KLRG2: variants seen among roughly 807,000 people sequenced by gnomAD.
KLRG2 encodes the protein killer cell lectin like receptor G2.
KLRG2 carries 39 observed loss-of-function variants against 35.4 expected under a neutral mutation model. The ratio of observed to expected loss-of-function variants is 1.10; its 90% CI spans 0.85 to 1.44. The LOEUF is 1.44. Ranked by LOEUF, KLRG2 falls within the 40% of genes most tolerant of loss-of-function variation. KLRG2 has a pLI of 0.00. For missense variants in KLRG2, 632 were observed against 570.9 expected (o/e 1.11, Z -1.09); for synonymous variants, 283 against 265.8 (o/e 1.06, Z -0.63).
intron 3 of KLRG2, among the ~76,000 whole-genome samples, chr7:139,467,512 T>G (rs7455720): frequency 0.13 from 19,060 of 151,888 alleles, 1,542 homozygotes; most frequent in African/African-American, 0.23. Context: ...TCTGCCTTGG[T>G]ATGCTGTTAA....
At position 139,479,766 on chromosome 7, in the gene KLRG2, C is replaced by G. The variant is rs1796922826; in HGVS notation, c.866G>C (p.Arg289Thr). The G allele has an allele frequency of 1.9e-6, 3 of 1,613,492 alleles. No individual in the cohort carries two copies. In the East Asian group the frequency reaches 6.7e-5, roughly 36 times the overall value. Residue 289 changes from arginine to threonine, a missense_variant, in exon 3 of 5, where the codon AGA (arginine) becomes ACA (threonine). By Grantham distance (71) the Arg-to-Thr change is moderately conservative. Transcript: ENST00000340940. Reference sequence around the variant, plus strand: ...CCAGCCTGGGGGGCACTGCTGGCATCTGGCTCCTGCAAGCACAGAGACTGC... The same window carrying G: ...CCAGCCTGGGGGGCACTGCTGGCATGTGGCTCCTGCAAGCACAGAGACTGC... ...IVVLASRAGA[R>T]CQQCPPGWVL...
chr7:139,462,161 G>C lies in KLRG2; in HGVS notation c.1006-7947C>G, dbSNP rs1796579753. Among the ~76,000 whole-genome samples the C allele has an allele frequency of 2.0e-5, 3 of 152,110 alleles. No individual in the cohort carries two copies. In the South Asian group the frequency reaches 6.2e-4, roughly 32 times the overall value. ...TTATCCGTGAACCCAAAACTCCATC[G>C]CTAGTTACGGACTCGGGAAAACAGT... On this transcript the variant is annotated intron_variant, in intron 3 of 4. Coordinates refer to ENST00000340940, the MANE Select transcript of KLRG2 (RefSeq NM_198508.4).
chr7:139,458,453 A>G (rs1429195002), intron 3 of KLRG2, among the ~76,000 whole-genome samples: 3 of 152,140 alleles, frequency 2.0e-5, no homozygotes, highest in Non-Finnish European at 4.4e-5. Flanking sequence ...ATAAGTGTAC[A>G]GTTCAAGGGC....
chr7:139,462,598 T>C (rs1796586747), intron 3 of KLRG2, among the ~76,000 whole-genome samples: 1 of 152,178 alleles, frequency 6.6e-6, no homozygotes, highest in Non-Finnish European at 1.5e-5. Flanking sequence ...AAAACCTAAA[T>C]GCCTTATTTT....
At chr7:139,472,084 A>G (rs534505431) in intron 3 of KLRG2, among the ~76,000 whole-genome samples, 1 of 152,320 alleles carries the variant, frequency 6.6e-6, no homozygotes, top group East Asian at 1.9e-4. Context: ...TTCCAGGAAC[A>G]ATCCCAGAAG....
chr7:139,467,267 T>C (rs1262453844), intron 3 of KLRG2, among the ~76,000 whole-genome samples: 1 of 152,162 alleles, frequency 6.6e-6, no homozygotes, highest in African/African-American at 2.4e-5. Flanking sequence ...TTTATTTTTC[T>C]TACTAATATA....
intron 3 of KLRG2, among the ~76,000 whole-genome samples, chr7:139,478,462 G>A (rs7791927): frequency 0.013 from 1,997 of 151,894 alleles, 51 homozygotes; most frequent in African/African-American, 0.046. Context: ...CTGAGGTGGG[G>A]ATTTTGAGAC....
At chr7:139,475,163 A>AAAAG (rs1222121710) in intron 3 of KLRG2, among the ~76,000 whole-genome samples, 2 of 152,206 alleles carry the variant, frequency 1.3e-5, no homozygotes, top group African/African-American at 4.8e-5. Context: ...AAGTCTCCAC[A>AAAAG]AAAGGCCCAA....
Position 139,483,244 on chromosome 7 carries a change from C to T in KLRG2, c.399G>A (p.Val133=). ...ELQVDVRVKP[V]GAAGGSSTPS... Reference sequence around the variant, plus strand: ...GCGTGCTGCTGCCACCGGCCGCGCCCACGGGCTTCACGCGCACATCTACCT... The same window carrying T: ...GCGTGCTGCTGCCACCGGCCGCGCCTACGGGCTTCACGCGCACATCTACCT... Residue 133 remains valine (V), a synonymous_variant, in exon 1 of 5, where the codon GTG becomes GTA. Coordinates refer to ENST00000340940, the MANE Select transcript of KLRG2 (RefSeq NM_198508.4). 6.5e-7 allele frequency: 1 copy of T among 1,549,130 alleles called. No individual in the cohort carries two copies. Among genetic ancestry groups the T allele is most frequent in the Middle Eastern group, 1.8e-4 (1 of 5,700 alleles).
intron 3 of KLRG2, among the ~76,000 whole-genome samples, chr7:139,454,849 TAATAATAATAATAATAAC>T (rs1569409619): frequency 9.2e-6 from 1 of 108,138 alleles, no homozygotes; most frequent in Non-Finnish European, 1.8e-5. Flanking sequence ...ATAATAATAA[TAATAATAATAATAATAAC>T]ACACGCAGAT....
the KLRG2 span, among the ~76,000 whole-genome samples, chr7:139,429,176 C>T: frequency 3.9e-5 from 6 of 152,030 alleles, no homozygotes; most frequent in Admixed American, 2.6e-4. Flanking sequence ...CGTGGTGGCG[C>T]GCACCTGTAA....
At chr7:139,477,799 C>T (rs1796876424) in intron 3 of KLRG2, among the ~76,000 whole-genome samples, 1 of 151,846 alleles carries the variant, frequency 6.6e-6, no homozygotes, top group African/African-American at 2.4e-5. Context: ...CGCTCTTTAG[C>T]CCAGGCCGGA....
rs80191544 is a variant in KLRG2 at position 139,466,217 on chromosome 7, C to T, written c.1006-12003G>A. Among the ~76,000 whole-genome samples, 17 of 152,248 alleles carry T rather than the reference C, an allele frequency of 1.1e-4. No individual in the cohort carries two copies. The East Asian group carries it at 1.5e-3, about 14-fold the overall frequency. On this transcript the variant is annotated intron_variant, in intron 3 of 4. Transcript: ENST00000340940. ...GCAAATTGACTTTACTCACATGCCCCGGGTCAGAAAACTAAAATACCTCTT... is the reference window on the plus strand; with the variant it reads ...GCAAATTGACTTTACTCACATGCCCTGGGTCAGAAAACTAAAATACCTCTT...
chr7:139,467,869 CT>C (rs1241056929), intron 3 of KLRG2, among the ~76,000 whole-genome samples: 2 of 148,842 alleles, frequency 1.3e-5, no homozygotes, highest in Non-Finnish European at 3.0e-5. Context: ...GAAGGAATGC[CT>C]CTTTGCAGTT....
rs777640819 is a variant in KLRG2 at position 139,483,620 on chromosome 7, G to A, written c.23C>T (p.Ala8Val). The A allele has an allele frequency of 2.7e-5, 42 of 1,570,164 alleles. No individual in the cohort carries two copies. The highest frequency in any genetic ancestry group is 3.6e-5 in the Admixed American group (2 of 55,786). ...CTCTGCCCCGGCTTGGCCTCCGGGC[G>A]CAGCCTCCCAAGACTCCTCCATCCC... MEESWEA[A>V]PGGQAGAELP... is the part of the protein sequence containing the mutation. Residue 8 changes from alanine to valine, a missense_variant, in exon 1 of 5, where the codon GCG (alanine) becomes GTG (valine). Ala to Val is a moderately conservative substitution (Grantham distance 64, BLOSUM62 0). Transcript: ENST00000340940.
chr7:139,455,078 G>A (rs1453729341), intron 3 of KLRG2, among the ~76,000 whole-genome samples: 12 of 151,056 alleles, frequency 7.9e-5, no homozygotes, highest in Non-Finnish European at 1.5e-5. Flanking sequence ...GAGTGCAGTG[G>A]CACGATCCTG....
Position 139,483,292 on chromosome 7 carries a change from G to T in KLRG2, c.351C>A (p.Ser117Arg). 6.4e-7 allele frequency: 1 copy of T among 1,557,216 alleles called. No homozygotes were observed. Among genetic ancestry groups the T allele is most frequent in the Non-Finnish European group, 8.6e-7 (1 of 1,163,180 alleles). The change falls in exon 1 of 5, where the codon AGC becomes AGA. Residue 117 changes from serine (S) to arginine (R), a missense_variant. Transcript: ENST00000340940. ...CCTGCAGCTCCATGGGCGCCCAGGC[G>T]CTGGGCGCAGGCTCAGCCCCGGGCG... ...GEAPGAEPAP[S>R]AWAPMELQVD...
At chr7:139,435,733 A>G in the KLRG2 span, among the ~76,000 whole-genome samples, 1 of 152,096 alleles carries the variant, frequency 6.6e-6, no homozygotes, top group South Asian at 2.1e-4. Flanking sequence ...CCTTAACACG[A>G]TGCTGCTGAG....
chr7:139,462,971 G>A (rs972456747), intron 3 of KLRG2, among the ~76,000 whole-genome samples: 1 of 151,936 alleles, frequency 6.6e-6, no homozygotes, highest in Non-Finnish European at 1.5e-5. Context: ...CTCAGCCTCC[G>A]CTCCCCTACC....
Sources: allele counts gnomAD v4.1 joint callset (sites outside exome capture counted in the v4.1 genomes callset), GRCh38; gene constraint gnomAD v4.1.1; transcripts MANE v1.5; gene names NCBI Gene and HGNC (gene_info 2026-07-23, HGNC 2026-07-21).